Variants in ESRRG observed in about 807,000 individuals in gnomAD.
ESRRG encodes estrogen related receptor gamma.
A neutral mutation model predicts 44.0 loss-of-function variants in ESRRG; 13 were observed. The ratio of observed to expected loss-of-function variants is 0.30; its 90% CI spans 0.19 to 0.47. ESRRG has a LOEUF of 0.47. ESRRG is among the 20% of genes least tolerant of loss of function. The pLI is 1.00. For synonymous variants in ESRRG, 215 were observed against 214.6 expected, an observed-to-expected ratio of 1.00 and a Z score of -0.02; for missense variants, 395 against 580.6, an observed-to-expected ratio of 0.68 and a Z score of 3.29.
At chr1:216,593,886 A>G (rs2058059573) in intron 3 of ESRRG, among the ~76,000 whole-genome samples, 1 of 152,130 alleles carries the variant, frequency 6.6e-6, no homozygotes, top group Non-Finnish European at 1.5e-5. Context: ...GCACAGCAAC[A>G]TGCCCAGCTA....
At chr1:216,594,791 A>T (rs1387498140) in intron 3 of ESRRG, among the ~76,000 whole-genome samples, 1 of 152,224 alleles carries the variant, frequency 6.6e-6, no homozygotes, top group African/African-American at 2.4e-5. Context: ...GTCACTCAGT[A>T]AATATTAATT....
chr1:216,526,599 C>T lies in ESRRG; in HGVS notation c.863-7178G>A, dbSNP rs112065357. Among the ~76,000 whole-genome samples the T allele has an allele frequency of 1.9e-3, 292 of 152,276 alleles. 3 individuals are homozygous for T. The highest frequency in any genetic ancestry group is 6.8e-3 in the African/African-American group (282 of 41,562). On this transcript the variant is annotated intron_variant, in intron 5 of 6. Transcript: ENST00000408911. ...GCCAATATATTTCTGTGGTTTATGTCACCCAGTCTTTGGTACTTTGTTTTA... is the reference window on the plus strand; with the variant it reads ...GCCAATATATTTCTGTGGTTTATGTTACCCAGTCTTTGGTACTTTGTTTTA...
At chr1:217,024,316 C>T (rs560710927) in intron 1 of ESRRG, among the ~76,000 whole-genome samples, 53 of 151,636 alleles carry the variant, frequency 3.5e-4, no homozygotes, top group Middle Eastern at 3.4e-3. Context: ...CGAGATTGCA[C>T]CACTGCACTC....
chr1:217,067,671 A>T (rs1000184504), intron 1 of ESRRG, among the ~76,000 whole-genome samples: 1 of 152,232 alleles, frequency 6.6e-6, no homozygotes, highest in Non-Finnish European at 1.5e-5. Context: ...ATCATAAGAC[A>T]TAATTCCTTT....
intron 2 of ESRRG, among the ~76,000 whole-genome samples, chr1:216,875,493 T>C (rs912202079): frequency 1.1e-4 from 16 of 152,154 alleles, no homozygotes; most frequent in Admixed American, 7.2e-4. Context: ...TTCATATGAA[T>C]AGAAACCTAC....
At chr1:216,996,061 C>T (rs1467645590) in intron 1 of ESRRG, among the ~76,000 whole-genome samples, 4 of 152,136 alleles carry the variant, frequency 2.6e-5, no homozygotes, top group African/African-American at 9.6e-5. Flanking sequence ...GCAGTTTATC[C>T]CCTTGCTAAA....
At chr1:217,110,120 C>A (rs1580601008) in intron 1 of ESRRG, among the ~76,000 whole-genome samples, 3 of 152,178 alleles carry the variant, frequency 2.0e-5, no homozygotes, top group Non-Finnish European at 4.4e-5. Flanking sequence ...AGGCTGCCAG[C>A]CCCACCCAGG....
chr1:216,754,702 CTT>C (rs202242433), intron 2 of ESRRG, among the ~76,000 whole-genome samples: 4,193 of 121,254 alleles, frequency 0.035, 197 homozygotes, highest in African/African-American at 0.11. Flanking sequence ...AGAGAAAGAA[CTT>C]TTTTTTTTTT....
At chr1:217,029,347 G>A (rs1405442829) in intron 1 of ESRRG, among the ~76,000 whole-genome samples, 2 of 152,064 alleles carry the variant, frequency 1.3e-5, no homozygotes, top group African/African-American at 2.4e-5. Flanking sequence ...GAAACCGACC[G>A]TAAGGGAAGA....
At chr1:216,584,738 A>C (rs1402730624) in intron 3 of ESRRG, among the ~76,000 whole-genome samples, 1 of 152,250 alleles carries the variant, frequency 6.6e-6, no homozygotes. Flanking sequence ...TGCTACTTAT[A>C]AAATCAAGGC....
At chr1:216,589,426 G>A (rs904526592) in intron 3 of ESRRG, among the ~76,000 whole-genome samples, 2 of 151,990 alleles carry the variant, frequency 1.3e-5, no homozygotes, top group Non-Finnish European at 2.9e-5. Context: ...TTCATATGTG[G>A]TCCAAGACAA....
At chr1:216,522,717 AAATAACATTTTTATC>A (rs71651061) in intron 5 of ESRRG, among the ~76,000 whole-genome samples, 40,905 of 152,022 alleles carry the variant, frequency 0.27, 7,030 homozygotes, top group East Asian at 0.56. Flanking sequence ...CGCATGGATA[AAATAACATTTTTATC>A]AATAGACCTG....
chr1:216,558,789 C>T (rs1236746577), intron 5 of ESRRG, among the ~76,000 whole-genome samples: 2 of 152,102 alleles, frequency 1.3e-5, no homozygotes, highest in African/African-American at 4.8e-5. Context: ...TACAGGTATA[C>T]AGGTATATAA....
intron 1 of ESRRG, among the ~76,000 whole-genome samples, chr1:216,687,226 T>G (rs557036207): frequency 1.3e-5 from 2 of 152,186 alleles, no homozygotes; most frequent in African/African-American, 4.8e-5. Flanking sequence ...GGAATGGGAC[T>G]CTTGGTTTTT....
chr1:216,893,511 C>G (rs1449927657), intron 2 of ESRRG, among the ~76,000 whole-genome samples: 2 of 152,084 alleles, frequency 1.3e-5, no homozygotes, highest in African/African-American at 4.8e-5. Context: ...AAATATTCAG[C>G]CCTCCATTCA....
At chr1:216,780,079 A>C (rs747018236) in intron 2 of ESRRG, among the ~76,000 whole-genome samples, 6 of 151,750 alleles carry the variant, frequency 4.0e-5, no homozygotes, top group Admixed American at 6.6e-5. Context: ...TGAGATCTAA[A>C]AAAAAAGAAA....
intron 5 of ESRRG, among the ~76,000 whole-genome samples, chr1:216,541,871 C>G (rs188651439): frequency 9.9e-5 from 15 of 152,000 alleles, no homozygotes; most frequent in Non-Finnish European, 2.1e-4. Flanking sequence ...ACCAAACCTT[C>G]TTGTGCATCC....
intron 1 of ESRRG, among the ~76,000 whole-genome samples, chr1:216,966,382 G>T (rs182970696): frequency 6.6e-6 from 1 of 152,264 alleles, no homozygotes; most frequent in Admixed American, 6.5e-5. Flanking sequence ...GCAAAGTAAG[G>T]ATTTGTTGTC....
At chr1:216,620,345 T>G (rs1324202383) in intron 3 of ESRRG, among the ~76,000 whole-genome samples, 1 of 152,156 alleles carries the variant, frequency 6.6e-6, no homozygotes, top group African/African-American at 2.4e-5. Flanking sequence ...ACCATCAGTA[T>G]TATCTAATAT....
Sources: gnomAD v4.1 joint callset for allele counts (sites outside exome capture counted in the v4.1 genomes callset) on GRCh38, gnomAD v4.1.1 for gene constraint, MANE v1.5 for transcripts, NCBI Gene and HGNC (gene_info 2026-07-23, HGNC 2026-07-21) for gene names.